The following CYREN variants were observed in gnomAD, a reference collection of about 807,000 sequenced individuals.
CYREN encodes cell cycle regulator of non-homologous end joining.
A neutral mutation model predicts 9.7 loss-of-function variants in CYREN; 7 were observed. The observed-to-expected ratio is 0.72, with a 90% CI of 0.41 to 1.36. The LOEUF is 1.36. CYREN is among the 40% of genes most tolerant of loss of function. The pLI is 0.01. For missense variants in CYREN, 215 were observed against 198.1 expected, an observed-to-expected ratio of 1.09 and a Z score of -0.51; for synonymous variants, 76 against 77.9, an observed-to-expected ratio of 0.98 and a Z score of 0.13.
chr7:135,171,254 A>C (rs190649898), upstream of CYREN, among the ~76,000 whole-genome samples: 87 of 152,330 alleles, frequency 5.7e-4, no homozygotes, highest in African/African-American at 2.1e-3. Flanking sequence ...AGCCCTCCGA[A>C]AGTTAAAGCG....
At chr7:135,106,947 T>C (rs1824818693) in intron 2 of CYREN, among the ~76,000 whole-genome samples, 1 of 152,124 alleles carries the variant, frequency 6.6e-6, no homozygotes, top group African/African-American at 2.4e-5. Flanking sequence ...CTTGGGAGGG[T>C]GTATATATCC....
chr7:135,092,365 T>G (rs562172337), exon 3 of CYREN: 3 of 152,370 alleles, frequency 2.0e-5, no homozygotes, highest in Non-Finnish European at 4.4e-5. Flanking sequence ...TGTCAACATT[T>G]TTTTCAAATC....
downstream of CYREN, among the ~76,000 whole-genome samples, chr7:135,163,441 A>G (rs886821627): frequency 6.6e-6 from 1 of 152,118 alleles, no homozygotes; most frequent in Non-Finnish European, 1.5e-5. Context: ...CAGGAGTTCA[A>G]TCAAGACCAG....
intron 2 of CYREN, among the ~76,000 whole-genome samples, chr7:135,110,004 T>C (rs993239629): frequency 1.3e-5 from 2 of 152,126 alleles, no homozygotes; most frequent in South Asian, 2.1e-4. Context: ...CAAAGACCCA[T>C]GTGAAAAAGT....
At chr7:135,137,281 A>G (rs756104329) in intron 2 of CYREN, among the ~76,000 whole-genome samples, 2 of 152,092 alleles carry the variant, frequency 1.3e-5, no homozygotes, top group African/African-American at 2.4e-5. Flanking sequence ...GGACTACCCA[A>G]CAGGTAAGAC....
At chr7:135,135,196 G>C (rs1444363126) in intron 2 of CYREN, 1 of 1,547,844 alleles carries the variant, frequency 6.5e-7, no homozygotes, top group Non-Finnish European at 8.7e-7. Context: ...TAAAAATAAG[G>C]ATGAGCAGGC....
rs1830176073 is a variant in CYREN at position 135,166,782 on chromosome 7, G to GT, written c.302dup (p.His101GlnfsTer9). ...CCTCACTGCTGCTCCCAGAACTTGT[G>GT]TGAGGCGACACGGAGCAGGGAGGGG... On this transcript the variant is annotated frameshift_variant, in exon 4 of 4. Coordinates refer to ENST00000393114, the MANE Select transcript of CYREN (RefSeq NM_024033.4). LOFTEE classifies it low-confidence loss of function (END_TRUNC). 8.1e-6 allele frequency: 13 copies of GT among 1,614,156 alleles called. No individual in the cohort carries two copies. Among genetic ancestry groups the GT allele is most frequent in the Non-Finnish European group, 1.0e-5 (12 of 1,180,038 alleles).
intron 2 of CYREN, among the ~76,000 whole-genome samples, chr7:135,146,430 G>A (rs556434483): frequency 2.0e-5 from 3 of 152,086 alleles, no homozygotes; most frequent in Admixed American, 6.6e-5. Context: ...GAGACATGAA[G>A]TGAGCAAAGG....
At chr7:135,110,570 C>T (rs1825485242) in intron 2 of CYREN, among the ~76,000 whole-genome samples, 1 of 152,200 alleles carries the variant, frequency 6.6e-6, no homozygotes, top group African/African-American at 2.4e-5. Context: ...CACTGACTCA[C>T]CCCTTCCTTG....
intron 2 of CYREN, among the ~76,000 whole-genome samples, chr7:135,142,663 G>C (rs566481505): frequency 6.6e-6 from 1 of 152,062 alleles, no homozygotes; most frequent in Non-Finnish European, 1.5e-5. Flanking sequence ...AAAGTCAATT[G>C]CCTCCTTATA....
At chr7:135,133,106 A>G (rs1829024702) in intron 2 of CYREN, among the ~76,000 whole-genome samples, 1 of 151,730 alleles carries the variant, frequency 6.6e-6, no homozygotes, top group African/African-American at 2.4e-5. Context: ...CACAACCTTT[A>G]GAATTAATAA....
At chr7:135,169,253 G>A (rs1205092923) in intron 1 of CYREN, 193 bp from the exon 2 acceptor site, 1 of 188,458 alleles carries the variant, frequency 5.3e-6, no homozygotes, top group Non-Finnish European at 1.1e-5. Context: ...CAAAGCTGGT[G>A]CCCCCTACAG....
chr7:135,148,244 T>C (rs1344211184), intron 2 of CYREN: 2 of 395,246 alleles, frequency 5.1e-6, no homozygotes, highest in East Asian at 7.2e-5. Flanking sequence ...TTCATGAGTG[T>C]TCCTGTGGTC....
upstream of CYREN, among the ~76,000 whole-genome samples, chr7:135,172,319 T>C (rs1134054): frequency 0.088 from 13,389 of 152,248 alleles, 768 homozygotes; most frequent in Middle Eastern, 0.2. Context: ...GCTGGATACT[T>C]TGGTTTTGGT....
chr7:135,153,799 T>A (rs2117434755), intron 2 of CYREN, among the ~76,000 whole-genome samples: 1 of 152,384 alleles, frequency 6.6e-6, no homozygotes, highest in South Asian at 2.1e-4. Flanking sequence ...GTCTGTGTTT[T>A]CATTTTCTGC....
At chr7:135,134,806 T>TG (rs1829256049) in intron 2 of CYREN, 2 of 1,533,866 alleles carry the variant, frequency 1.3e-6, no homozygotes, top group Non-Finnish European at 1.8e-6. Flanking sequence ...AGGTCCATGA[T>TG]GGACAAAAAT....
intron 2 of CYREN, among the ~76,000 whole-genome samples, chr7:135,113,205 A>C (rs2117161759): frequency 6.6e-6 from 1 of 152,344 alleles, no homozygotes; most frequent in Non-Finnish European, 1.5e-5. Flanking sequence ...AGCTTAAAGC[A>C]ATGTGTGCTT....
intron 2 of CYREN, among the ~76,000 whole-genome samples, chr7:135,139,404 G>A (rs1404151786): frequency 1.3e-5 from 2 of 150,662 alleles, no homozygotes; most frequent in East Asian, 2.0e-4. Flanking sequence ...GTGTCTATTC[G>A]TGTCCTTTGC....
At chr7:135,164,119 T>C (rs1298376282), downstream of CYREN, among the ~76,000 whole-genome samples, 1 of 152,256 alleles carries the variant, frequency 6.6e-6, no homozygotes, top group East Asian at 1.9e-4. Context: ...TTGTTGTATT[T>C]GGACTGGAGC....
Sources: allele counts gnomAD v4.1 joint callset (sites outside exome capture counted in the v4.1 genomes callset), GRCh38; gene constraint gnomAD v4.1.1; transcripts MANE v1.5; gene names NCBI Gene and HGNC (gene_info 2026-07-23, HGNC 2026-07-21).